The following CENPE variants were observed in gnomAD, a reference collection of about 807,000 sequenced individuals.
CENPE encodes the protein centromere protein E, also known as centromere-associated protein E.
Under a neutral mutation model 336.1 loss-of-function variants are expected in CENPE, and 145 were observed. That is an observed-to-expected ratio of 0.43 (90% CI 0.38 to 0.50). The LOEUF (loss-of-function observed/expected upper bound fraction) is 0.50, where lower values mean the gene tolerates loss of function less well. Among genes scored for constraint, CENPE ranks in the 20% least tolerant of loss-of-function variants. CENPE has a pLI of 0.00. For synonymous variants in CENPE, 1,013 were observed against 984.8 expected (o/e 1.03, Z -0.54); for missense variants, 2,719 against 3,023.3 (o/e 0.90, Z 2.36).
intron 13 of CENPE, among the ~76,000 whole-genome samples, chr4:103,178,989 C>G (rs955097247): frequency 5.9e-5 from 9 of 152,266 alleles, no homozygotes; most frequent in South Asian, 2.1e-4. Context: ...TTTCAACAGC[C>G]TGACATCTCA....
At position 103,110,993 on chromosome 4, in the gene CENPE, T is replaced by A; in HGVS notation, c.7559A>T (p.Asp2520Val). Residue 2520 changes from aspartate (D) to valine (V), a missense_variant, in exon 47 of 49, where the codon GAT becomes GTT. Asp to Val is a radical substitution (Grantham distance 152). This residue lies in a region of CENPE where 2,437 missense variants were observed against 2,513.3 expected (regional missense o/e 0.97). Coordinates refer to ENST00000265148, the MANE Select transcript of CENPE (RefSeq NM_001813.3). ...QDTSVISEHT[D>V]PQPSNKPLTC... ...TAAGGGTTTATTTGAAGGCTGAGGA[T>A]CAGTATGTTCTGATATCACTGTGGG... 1 of 1,599,160 alleles carries A rather than the reference T, an allele frequency of 6.3e-7. No individual in the cohort carries two copies. Among genetic ancestry groups the A allele is most frequent in the Non-Finnish European group, 8.5e-7 (1 of 1,174,744 alleles).
intron 8 of CENPE, among the ~76,000 whole-genome samples, chr4:103,187,622 C>A (rs1756903369): frequency 6.6e-6 from 1 of 151,810 alleles, no homozygotes; most frequent in Admixed American, 6.6e-5. Flanking sequence ...ACCACCAGGC[C>A]TGCCTTACAA....
intron 46 of CENPE, among the ~76,000 whole-genome samples, chr4:103,114,130 T>C (rs1489015337): frequency 6.6e-6 from 1 of 152,186 alleles, no homozygotes; most frequent in Non-Finnish European, 1.5e-5. Flanking sequence ...TGTTTCGTTT[T>C]ATTGGGAAGC....
chr4:103,195,055 A>G (rs1311486538), intron 5 of CENPE, 59 bp downstream of exon 5: 1 of 1,441,040 alleles, frequency 6.9e-7, no homozygotes, highest in African/African-American at 1.5e-5. Context: ...GTAAACATTC[A>G]AGAACAATAA....
intron 16 of CENPE, among the ~76,000 whole-genome samples, chr4:103,164,077 C>CA (rs1248268613): frequency 6.6e-6 from 1 of 152,038 alleles, no homozygotes; most frequent in Non-Finnish European, 1.5e-5. Flanking sequence ...AGTGCCTTTA[C>CA]AATATTATTA....
In CENPE at chr4:103,138,255, A is replaced by G. The variant is rs1752236902; in HGVS notation, c.6303+96T>C. On this transcript the variant is annotated intron_variant, in intron 39 of 48. Coordinates refer to ENST00000265148, the MANE Select transcript of CENPE (RefSeq NM_001813.3). ...TTTAGAAAAATACTGAGCACTATCT[A>G]TTTATTCCAGAGGTTCCTTCAATCC... 3 of 807,440 alleles carry G rather than the reference A, an allele frequency of 3.7e-6. No individual in the cohort carries two copies. The South Asian group carries it at 4.3e-5, about 12-fold the overall frequency. 50.0% of individuals were successfully genotyped at this position (807,440 alleles called of 1,614,324 possible).
intron 28 of CENPE, 134 bp from the exon 29 acceptor site, chr4:103,147,780 G>A: frequency 1.4e-6 from 1 of 695,624 alleles, no homozygotes. Context: ...TGCAACTTCT[G>A]CCTCCTGGGT....
Position 103,145,091 on chromosome 4 carries a change from T to C in CENPE, c.4816A>G (p.Arg1606Gly). The change falls in exon 32 of 49, where the codon AGA becomes GGA. Residue 1606 changes from arginine (R) to glycine (G), a missense_variant. Physicochemically the swap from Arg to Gly is moderately radical, Grantham distance 125. Coordinates refer to ENST00000265148, the MANE Select transcript of CENPE (RefSeq NM_001813.3). ...TTAGTGTTTTCTTTCAGTTGGTCTC[T>C]CTCTATCTGAAGGGCCTCCTGTACT... The part of the protein sequence containing the change: ...KRVQEALQIE[R>G]DQLKENTKEI... 6.3e-7 allele frequency: 1 copy of C among 1,581,556 alleles called. No homozygotes were observed. The highest frequency in any genetic ancestry group is 8.6e-7 in the Non-Finnish European group (1 of 1,167,336).
Position 103,132,960 on chromosome 4 carries a change from T to TTATATA in CENPE, c.6721-70_6721-65dup, listed in dbSNP as rs56951110. The TTATATA allele has an allele frequency of 3.8e-3, 562 of 148,202 alleles. 21 individuals carry two copies. Among genetic ancestry groups the TTATATA allele is most frequent in the African/African-American group, 0.014 (377 of 27,772 alleles). The allele number at this position is 148,202 out of a possible 1,614,324, so 9.2% of individuals were successfully genotyped here. A position where few individuals can be genotyped will look rare whatever the true frequency, so the allele number is the denominator to read the frequency against. Reference sequence around the variant, plus strand: ...GAAAGTTTTGATCCAAATATTTTATTTATATATATATATATATATATATAA... The same window carrying TTATATA: ...GAAAGTTTTGATCCAAATATTTTATTTATATATATATATATATATATATATATATAA... On this transcript the variant is annotated intron_variant, in intron 41 of 48. Coordinates refer to ENST00000265148, the MANE Select transcript of CENPE (RefSeq NM_001813.3).
intron 8 of CENPE, among the ~76,000 whole-genome samples, chr4:103,192,867 T>C (rs1757471030): frequency 6.6e-6 from 1 of 151,834 alleles, no homozygotes; most frequent in Admixed American, 6.6e-5. Flanking sequence ...TGACAGAACA[T>C]TTGAGAGCAA....
chr4:103,112,432 TATAC>T (rs1749544479), intron 46 of CENPE, among the ~76,000 whole-genome samples: 1 of 141,734 alleles, frequency 7.1e-6, no homozygotes, highest in East Asian at 2.0e-4. Context: ...CTTATATACT[TATAC>T]ATACATATAC....
At chr4:103,179,071 A>G (rs1262848060) in intron 13 of CENPE, among the ~76,000 whole-genome samples, 1 of 152,108 alleles carries the variant, frequency 6.6e-6, no homozygotes, top group African/African-American at 2.4e-5. Flanking sequence ...AACTCAACCA[A>G]TATTGTTACC....
intron 25 of CENPE, 33 bp from the exon 26 acceptor site, chr4:103,151,410 A>T (rs1753556691): frequency 6.9e-7 from 1 of 1,445,574 alleles, no homozygotes; most frequent in African/African-American, 1.5e-5. Flanking sequence ...GATTAAAGTA[A>T]ATATTAGCTA....
intron 42 of CENPE, among the ~76,000 whole-genome samples, chr4:103,131,117 T>C (rs532688010): frequency 7.2e-5 from 11 of 152,158 alleles, no homozygotes; most frequent in Admixed American, 2.6e-4. Flanking sequence ...ACATTAAAAA[T>C]CTGCACTCTG....
At chr4:103,186,817 T>A (rs6830082) in intron 8 of CENPE, among the ~76,000 whole-genome samples, 24,223 of 152,186 alleles carry the variant, frequency 0.16, 2,327 homozygotes, top group Non-Finnish European at 0.2. Flanking sequence ...GTCATTAAGC[T>A]GCGATCTGAA....
chr4:103,152,038 C>T (rs1753610263), intron 25 of CENPE, among the ~76,000 whole-genome samples: 1 of 152,064 alleles, frequency 6.6e-6, no homozygotes, highest in Non-Finnish European at 1.5e-5. Flanking sequence ...TAAACTTATA[C>T]ACATTGTATC....
intron 16 of CENPE, among the ~76,000 whole-genome samples, chr4:103,170,680 T>TTTCCTACCTATCAGTAG (rs1178380563): frequency 6.6e-6 from 1 of 152,162 alleles, no homozygotes; most frequent in East Asian, 1.9e-4. Context: ...GAAGTAGTAA[T>TTTCCTACCTATCAGTAG]TTCCTACCTA....
chr4:103,115,141 T>TC (rs1344476953), intron 45 of CENPE, among the ~76,000 whole-genome samples: 1 of 150,558 alleles, frequency 6.6e-6, no homozygotes, highest in African/African-American at 2.4e-5. Context: ...TTTCTTTTCT[T>TC]TTTTTTTTTG....
intron 8 of CENPE, among the ~76,000 whole-genome samples, chr4:103,191,660 A>AT (rs563462183): frequency 1.4e-5 from 1 of 72,492 alleles, no homozygotes; most frequent in Non-Finnish European, 2.8e-5. Context: ...GGGTGGGGGG[A>AT]GGGGGGGATA....
Sources: allele counts gnomAD v4.1 joint callset (sites outside exome capture counted in the v4.1 genomes callset), GRCh38; gene constraint gnomAD v4.1.1; regional missense constraint gnomAD v4.1.1; transcripts MANE v1.5; gene names NCBI Gene and HGNC (gene_info 2026-07-23, HGNC 2026-07-21).